The following TMEM168 variants were observed in gnomAD, a reference collection of about 807,000 sequenced individuals.
The protein encoded by TMEM168 is transmembrane protein 168.
TMEM168 carries 40 observed loss-of-function variants against 53.2 expected under a neutral mutation model. The observed-to-expected ratio is 0.75, with a 90% CI of 0.58 to 0.98. The LOEUF (loss-of-function observed/expected upper bound fraction) is 0.98. Among genes scored for constraint, TMEM168 ranks in the 50% least tolerant of loss-of-function variants. TMEM168 has a pLI of 0.00. For synonymous variants in TMEM168, 282 were observed against 293.0 expected (o/e 0.96, Z 0.38); for missense variants, 771 against 828.8 (o/e 0.93, Z 0.86).
At chr7:112,780,326 C>T (rs1793194480) in intron 2 of TMEM168, among the ~76,000 whole-genome samples, 1 of 152,178 alleles carries the variant, frequency 6.6e-6, no homozygotes, top group Non-Finnish European at 1.5e-5. Context: ...TTCCACATGA[C>T]CCAGCAATCC....
intron 2 of TMEM168, chr7:112,778,772 T>TAG (rs1332245684): frequency 2.6e-5 from 4 of 150,974 alleles, no homozygotes; most frequent in Non-Finnish European, 5.9e-5. Context: ...GCAACATTGA[T>TAG]GATGATATTT....
At chr7:112,769,610 G>C (rs1792879716) in intron 4 of TMEM168, among the ~76,000 whole-genome samples, 1 of 152,128 alleles carries the variant, frequency 6.6e-6, no homozygotes, top group African/African-American at 2.4e-5. Context: ...GTTTTGCTCT[G>C]CTTTCTCCTA....
At chr7:112,770,239 C>T (rs2116228966) in intron 4 of TMEM168, among the ~76,000 whole-genome samples, 1 of 152,244 alleles carries the variant, frequency 6.6e-6, no homozygotes, top group South Asian at 2.1e-4. Flanking sequence ...TTTTCTGGGC[C>T]TGGTTCAACC....
chr7:112,767,735 G>C lies in TMEM168; in HGVS notation c.1556C>G (p.Thr519Arg). Residue 519 changes from threonine (T) to arginine (R), a missense_variant, in exon 5 of 5, where the codon ACA becomes AGA. Coordinates refer to ENST00000312814, the MANE Select transcript of TMEM168 (RefSeq NM_022484.6). ...TTCTATAAGTGTGTCAAGGCGTAGTGTATCTCCACCTGTGAACAAGAGAAA... is the reference window on the plus strand; with the variant it reads ...TTCTATAAGTGTGTCAAGGCGTAGTCTATCTCCACCTGTGAACAAGAGAAA... Reference protein sequence around the residue: ...TGEWALAGGDTLRLDTLIEWW... With the variant: ...TGEWALAGGDRLRLDTLIEWW... The C allele has an allele frequency of 1.9e-6, 3 of 1,608,836 alleles. No individual in the cohort carries two copies. Among genetic ancestry groups the C allele is most frequent in the Non-Finnish European group, 2.5e-6 (3 of 1,178,320 alleles).
chr7:112,772,932 A>T lies in TMEM168; in HGVS notation c.1395T>A (p.Cys465Ter). Residue 465 changes from cysteine (C) to a stop codon, truncating the protein, a stop_gained, in exon 4 of 5, where the codon TGT becomes TGA. Transcript: ENST00000312814. LOFTEE classifies it high-confidence loss of function. Reference protein sequence around the residue: ...FAYHMIETYGCDYSTSGLSFD... With the variant: ...FAYHMIETYG ...ATGACAGTCCACTTGTGGAATAGTC[A>T]CATCCATAGGTCTCAATCATATGAT... 1 of 1,614,146 alleles carries T rather than the reference A, an allele frequency of 6.2e-7. No homozygotes were observed. Among genetic ancestry groups the T allele is most frequent in the Middle Eastern group, 1.6e-4 (1 of 6,062 alleles).
chr7:112,773,544 A>AATAATTTCTTC (rs1792988683), intron 3 of TMEM168, among the ~76,000 whole-genome samples: 1 of 151,684 alleles, frequency 6.6e-6, no homozygotes, highest in Non-Finnish European at 1.5e-5. Flanking sequence ...CTTAAGGTAC[A>AATAATTTCTTC]TAAATAATAG....
intron 1 of TMEM168, among the ~76,000 whole-genome samples, chr7:112,787,802 G>A (rs751632378): frequency 1.5e-5 from 2 of 130,068 alleles, no homozygotes; most frequent in African/African-American, 3.0e-5. Flanking sequence ...GAGCGATCTC[G>A]GCTCACCGCA....
rs1793296226 is a variant in TMEM168, at chr7:112,783,853, C to A, written c.973G>T (p.Asp325Tyr). 1.2e-6 allele frequency: 2 copies of A among 1,605,032 alleles called. No individual in the cohort carries two copies. Among genetic ancestry groups the A allele is most frequent in the South Asian group, 1.1e-5 (1 of 87,876 alleles). The change falls in exon 2 of 5, where the codon GAC becomes TAC. Residue 325 changes from aspartate to tyrosine, a missense_variant. Coordinates refer to ENST00000312814, the MANE Select transcript of TMEM168 (RefSeq NM_022484.6). ...TLWGFHTKLN[D>Y]CHKVYFTHRT... Reference sequence around the variant, plus strand: ...TGAGTAAAATATACTTTATGGCAGTCATTTAATTTGGTATGGAATCCCCAA... The same window carrying A: ...TGAGTAAAATATACTTTATGGCAGTAATTTAATTTGGTATGGAATCCCCAA...
rs1293493587 is a variant in TMEM168 at position 112,784,233 on chromosome 7, G to C, written c.593C>G (p.Ser198Cys). 1.2e-6 allele frequency: 2 copies of C among 1,613,746 alleles called. No individual in the cohort carries two copies. Among genetic ancestry groups the C allele is most frequent in the South Asian group, 2.2e-5 (2 of 90,980 alleles). ...AACTAAGTTTGGAATAGCTAAGAAA[G>C]ATTTCATTCTCAGATCAATAATCAG... Reference protein sequence around the residue: ...AMLIIDLRMKSFLAIPNLVIF... With the variant: ...AMLIIDLRMKCFLAIPNLVIF... Residue 198 changes from serine to cysteine, a missense_variant, in exon 2 of 5, where the codon TCT (serine) becomes TGT (cysteine). By Grantham distance (112) the Ser-to-Cys change is moderately radical. Transcript: ENST00000312814.
At chr7:112,780,954 A>G (rs185915568) in intron 2 of TMEM168, among the ~76,000 whole-genome samples, 1 of 151,552 alleles carries the variant, frequency 6.6e-6, no homozygotes, top group African/African-American at 2.4e-5. Flanking sequence ...AAAAAAAAAA[A>G]AAAAAAAAAA....
Position 112,784,004 on chromosome 7 carries a change from C to A in TMEM168, c.822G>T (p.Glu274Asp). 6.2e-7 allele frequency: 1 copy of A among 1,613,472 alleles called. No individual in the cohort carries two copies. Among genetic ancestry groups the A allele is most frequent in the East Asian group, 2.2e-5 (1 of 44,850 alleles). The change falls in exon 2 of 5, where the codon GAG becomes GAT. Residue 274 changes from glutamate to aspartate, a missense_variant. Coordinates refer to ENST00000312814, the MANE Select transcript of TMEM168 (RefSeq NM_022484.6). Reference protein sequence around the residue: ...RLSVVFAGMIELTFFILSAFK... With the variant: ...RLSVVFAGMIDLTFFILSAFK... The stretch of plus-strand genomic sequence containing the variant: ...ATGCGGAAAGAATAAAAAATGTAAG[C>A]TCAATCATTCCAGCAAAAACGACTG...
chr7:112,787,387 AG>A (rs1320340088), intron 1 of TMEM168, among the ~76,000 whole-genome samples: 1 of 140,600 alleles, frequency 7.1e-6, no homozygotes, highest in African/African-American at 2.7e-5. Flanking sequence ...TTTTGGGGGG[AG>A]GGGGAAGGGG....
intron 2 of TMEM168, among the ~76,000 whole-genome samples, chr7:112,782,918 C>G (rs1405330279): frequency 1.3e-5 from 2 of 152,190 alleles, no homozygotes; most frequent in African/African-American, 4.8e-5. Context: ...TGTTTACATG[C>G]CAGCCTCTTC....
intron 1 of TMEM168, among the ~76,000 whole-genome samples, chr7:112,789,361 G>A (rs1793479374): frequency 6.6e-6 from 1 of 151,854 alleles, no homozygotes; most frequent in African/African-American, 2.4e-5. Flanking sequence ...CCAGTGACTA[G>A]CAAAAATCCG....
intron 1 of TMEM168, among the ~76,000 whole-genome samples, chr7:112,789,284 T>A (rs1399584447): frequency 6.6e-6 from 1 of 152,036 alleles, no homozygotes; most frequent in African/African-American, 2.4e-5. Context: ...ATACCATCAC[T>A]TATTTCATGT....
At chr7:112,777,952 A>G (rs1793134061) in intron 2 of TMEM168, among the ~76,000 whole-genome samples, 1 of 148,386 alleles carries the variant, frequency 6.7e-6, no homozygotes, top group Non-Finnish European at 1.5e-5. Context: ...GTACCTGGTT[A>G]AATTTATAAG....
At chr7:112,780,591 C>T (rs1793199776) in intron 2 of TMEM168, among the ~76,000 whole-genome samples, 1 of 152,144 alleles carries the variant, frequency 6.6e-6, no homozygotes, top group African/African-American at 2.4e-5. Context: ...GGTGCAGTGG[C>T]TCACACCTAT....
rs751387970 is a variant in TMEM168 at position 112,784,290 on chromosome 7, C to T, written c.536G>A (p.Ser179Asn). The change falls in exon 2 of 5, where the codon AGT becomes AAT. Residue 179 changes from serine (S) to asparagine (N), a missense_variant. Ser to Asn is a conservative substitution (Grantham distance 46, BLOSUM62 1). Coordinates refer to ENST00000312814, the MANE Select transcript of TMEM168 (RefSeq NM_022484.6). ...CAGAGCTACAACAAGCAAAATGACACTCAGAGACTTCTCCACCAACATAGT... is the reference window on the plus strand; with the variant it reads ...CAGAGCTACAACAAGCAAAATGACATTCAGAGACTTCTCCACCAACATAGT... ...STTMLVEKSL[S>N]VILLVVALAM... The T allele has an allele frequency of 6.2e-7, 1 of 1,614,148 alleles. No homozygotes were observed. The highest frequency in any genetic ancestry group is 2.2e-5 in the East Asian group (1 of 44,872).
In TMEM168 at chr7:112,784,295, A is replaced by C; in HGVS notation, c.531T>G (p.Ser177=). ...CTACAACAAGCAAAATGACACTCAGAGACTTCTCCACCAACATAGTTGTGC... is the reference window on the plus strand; with the variant it reads ...CTACAACAAGCAAAATGACACTCAGCGACTTCTCCACCAACATAGTTGTGC... The part of the protein sequence containing the change: ...IASTTMLVEK[S]LSVILLVVAL... Residue 177 remains serine (S), a synonymous_variant, in exon 2 of 5, where the codon TCT becomes TCG. Transcript: ENST00000312814. 6.2e-7 allele frequency: 1 copy of C among 1,614,210 alleles called. No individual in the cohort carries two copies. The highest frequency in any genetic ancestry group is 8.5e-7 in the Non-Finnish European group (1 of 1,180,016).
Sources: gnomAD v4.1 joint callset for allele counts (sites outside exome capture counted in the v4.1 genomes callset) on GRCh38, gnomAD v4.1.1 for gene constraint, MANE v1.5 for transcripts, NCBI Gene and HGNC (gene_info 2026-07-23, HGNC 2026-07-21) for gene names.